The following PAPSS2 variants were observed in gnomAD, a reference collection of about 807,000 sequenced individuals.
PAPSS2 encodes the protein bifunctional 3'-phosphoadenosine 5'-phosphosulfate synthase 2.
PAPSS2 carries 61 observed loss-of-function variants against 66.5 expected under a neutral mutation model. The ratio of observed to expected loss-of-function variants is 0.92; its 90% CI spans 0.75 to 1.14. The LOEUF (loss-of-function observed/expected upper bound fraction) is 1.14. PAPSS2 is among the 50% of genes most tolerant of loss of function. The pLI, the probability that PAPSS2 is intolerant of heterozygous loss-of-function variation, is 0.00. For synonymous variants in PAPSS2, 289 were observed against 287.5 expected, an observed-to-expected ratio of 1.01 and a Z score of -0.05; for missense variants, 708 against 789.6, an observed-to-expected ratio of 0.90 and a Z score of 1.24.
chr10:87,738,167 T>C (rs1045335671), intron 9 of PAPSS2, among the ~76,000 whole-genome samples: 13 of 152,208 alleles, frequency 8.5e-5, no homozygotes, highest in African/African-American at 3.1e-4. Flanking sequence ...ATTTGAATAG[T>C]GCTGCTGTGA....
At chr10:87,683,094 CTT>C (rs34190865) in intron 1 of PAPSS2, among the ~76,000 whole-genome samples, 38,317 of 129,976 alleles carry the variant, frequency 0.29, 4,528 homozygotes, top group East Asian at 0.42. Flanking sequence ...TTTCTTTTTT[CTT>C]TTTTTTTTTT....
chr10:87,738,596 G>A (rs537515826), intron 9 of PAPSS2, among the ~76,000 whole-genome samples: 1 of 152,268 alleles, frequency 6.6e-6, no homozygotes, highest in African/African-American at 2.4e-5. Context: ...TTTATGAAGA[G>A]ATGGGGTTTT....
intron 9 of PAPSS2, among the ~76,000 whole-genome samples, chr10:87,732,307 A>G (rs1853739943): frequency 6.6e-6 from 1 of 152,124 alleles, no homozygotes; most frequent in African/African-American, 2.4e-5. Context: ...CGATTGTTTC[A>G]GCCCAGGAGT....
At chr10:87,665,887 T>G (rs562010790) in intron 1 of PAPSS2, among the ~76,000 whole-genome samples, 1 of 152,332 alleles carries the variant, frequency 6.6e-6, no homozygotes, top group African/African-American at 2.4e-5. Context: ...ACTTATCTCT[T>G]TGAGTTCTTG....
intron 12 of PAPSS2, 32 bp from the exon 13 acceptor site, chr10:87,745,800 A>C: frequency 6.2e-7 from 1 of 1,612,964 alleles, no homozygotes; most frequent in Non-Finnish European, 8.5e-7. Context: ...TCATTTACCT[A>C]CACTGAGTTC....
intron 1 of PAPSS2, among the ~76,000 whole-genome samples, chr10:87,685,187 G>C (rs1372114614): frequency 6.6e-6 from 1 of 152,164 alleles, no homozygotes; most frequent in Non-Finnish European, 1.5e-5. Flanking sequence ...ATTAACCCCA[G>C]AGAGGAGAGT....
At chr10:87,720,521 C>A (rs1283112387) in intron 7 of PAPSS2, among the ~76,000 whole-genome samples, 1 of 152,158 alleles carries the variant, frequency 6.6e-6, no homozygotes, top group Non-Finnish European at 1.5e-5. Context: ...TGAGTCACTG[C>A]CATTGAAAAT....
Position 87,736,664 on chromosome 10 carries a change from C to T in PAPSS2, c.1087-4571C>T, listed in dbSNP as rs188137152. ...AGAATACAAATGGAGAGCCATACAT[C>T]ATATTTAAAAGTTACATGTGTAACT... On this transcript the variant is annotated intron_variant, in intron 9 of 12. Coordinates refer to ENST00000456849, the MANE Select transcript of PAPSS2 (RefSeq NM_001015880.2). Among the ~76,000 whole-genome samples the T allele has an allele frequency of 1.3e-3, 205 of 152,326 alleles. 3 individuals are homozygous for T. The highest frequency in any genetic ancestry group is 6.8e-3 in the Middle Eastern group (2 of 294).
chr10:87,745,724 G>A, intron 12 of PAPSS2, 108 bp from the exon 13 acceptor site: 1 of 1,118,826 alleles, frequency 8.9e-7, no homozygotes, highest in Non-Finnish European at 1.4e-6. Context: ...TGAAGATGCA[G>A]CATTTTACAG....
chr10:87,684,278 A>G (rs929461405), intron 1 of PAPSS2, among the ~76,000 whole-genome samples: 3 of 152,330 alleles, frequency 2.0e-5, no homozygotes, highest in African/African-American at 7.2e-5. Flanking sequence ...ATCTCTTTCC[A>G]TCTTCATGTA....
chr10:87,742,668 A>G (rs1440745499), intron 10 of PAPSS2, among the ~76,000 whole-genome samples: 2 of 152,170 alleles, frequency 1.3e-5, no homozygotes, highest in African/African-American at 2.4e-5. Context: ...AAATTTTTTT[A>G]TATCTTTAGA....
intron 1 of PAPSS2, among the ~76,000 whole-genome samples, chr10:87,664,865 C>T (rs976377050): frequency 2.0e-5 from 3 of 152,184 alleles, no homozygotes; most frequent in Admixed American, 6.5e-5. Flanking sequence ...GTGATTTGTT[C>T]ATATGACACT....
intron 9 of PAPSS2, among the ~76,000 whole-genome samples, chr10:87,736,298 T>C (rs1478562295): frequency 6.9e-6 from 1 of 145,086 alleles, no homozygotes; most frequent in African/African-American, 2.6e-5. Context: ...GACAGAGTCT[T>C]ACTCTGTTGC....
intron 9 of PAPSS2, among the ~76,000 whole-genome samples, chr10:87,739,202 G>T: frequency 6.6e-6 from 1 of 152,042 alleles, no homozygotes. Flanking sequence ...TAAGATAAGG[G>T]TCCAACTTCA....
intron 1 of PAPSS2, among the ~76,000 whole-genome samples, chr10:87,688,862 G>T (rs1441475239): frequency 6.6e-6 from 1 of 152,060 alleles, no homozygotes; most frequent in African/African-American, 2.4e-5. Flanking sequence ...ATTGCTTGAA[G>T]TGATACTCAC....
intron 9 of PAPSS2, among the ~76,000 whole-genome samples, chr10:87,729,207 T>C (rs1194897084): frequency 1.3e-5 from 2 of 151,484 alleles, no homozygotes; most frequent in African/African-American, 4.9e-5. Flanking sequence ...CTTCACTTTA[T>C]CGTGCTTCAC....
In PAPSS2 at chr10:87,714,087, C is replaced by A; in HGVS notation, c.425C>A (p.Pro142Gln). 6.2e-7 allele frequency: 1 copy of A among 1,613,844 alleles called. No individual in the cohort carries two copies. Among genetic ancestry groups the A allele is most frequent in the African/African-American group, 1.3e-5 (1 of 75,010 alleles). ...ARKIHESAGL[P>Q]FFEIFVDAPL... ...AAAATACATGAATCAGCAGGGCTGCCATTCTTTGAAATATTTGTAGATGCA... is the reference window on the plus strand; with the variant it reads ...AAAATACATGAATCAGCAGGGCTGCAATTCTTTGAAATATTTGTAGATGCA... The change falls in exon 4 of 13, where the codon CCA becomes CAA. Residue 142 changes from proline to glutamine, a missense_variant. Transcript: ENST00000456849.
chr10:87,697,467 A>C (rs1370829888), intron 1 of PAPSS2, among the ~76,000 whole-genome samples: 1 of 152,210 alleles, frequency 6.6e-6, no homozygotes, highest in Admixed American at 6.5e-5. Context: ...GAGGGTGCCA[A>C]GGAGAGGTGG....
intron 9 of PAPSS2, among the ~76,000 whole-genome samples, chr10:87,730,348 C>G (rs1298202666): frequency 6.6e-6 from 1 of 152,126 alleles, no homozygotes; most frequent in Non-Finnish European, 1.5e-5. Flanking sequence ...TGGCCAAAAC[C>G]AGGTTATGGC....
Sources: allele counts gnomAD v4.1 joint callset (sites outside exome capture counted in the v4.1 genomes callset), GRCh38; gene constraint gnomAD v4.1.1; transcripts MANE v1.5; gene names NCBI Gene and HGNC (gene_info 2026-07-23, HGNC 2026-07-21).